The following IQUB variants were observed in gnomAD, a reference collection of about 807,000 sequenced individuals.
IQUB encodes IQ motif and ubiquitin domain containing.
IQUB carries 86 observed loss-of-function variants against 86.4 expected under a neutral mutation model. The ratio of observed to expected loss-of-function variants is 1.00; its 90% CI spans 0.84 to 1.19. The LOEUF (loss-of-function observed/expected upper bound fraction) is 1.19. Ranked by LOEUF, IQUB falls within the 50% of genes most tolerant of loss-of-function variation. IQUB has a pLI of 0.00. For missense variants in IQUB, 946 were observed against 916.9 expected, an observed-to-expected ratio of 1.03 and a Z score of -0.41; for synonymous variants, 289 against 304.5, an observed-to-expected ratio of 0.95 and a Z score of 0.53.
chr7:123,513,073 C>T (rs1360503300), intron 1 of IQUB, among the ~76,000 whole-genome samples: 1 of 152,240 alleles, frequency 6.6e-6, no homozygotes, highest in South Asian at 2.1e-4. Context: ...AGGTAGCCCC[C>T]AGACCAGATT....
intron 8 of IQUB, among the ~76,000 whole-genome samples, chr7:123,478,966 C>A (rs1794874958): frequency 1.3e-5 from 2 of 152,124 alleles, no homozygotes; most frequent in African/African-American, 4.8e-5. Context: ...ATAGGGAGTT[C>A]TGGGATGCAG....
intron 1 of IQUB, among the ~76,000 whole-genome samples, chr7:123,523,476 T>C (rs1225951774): frequency 6.6e-6 from 1 of 152,160 alleles, no homozygotes; most frequent in Non-Finnish European, 1.5e-5. Context: ...TTTTTTCATG[T>C]GTTTTTTGGC....
chr7:123,477,858 T>C (rs975954981), intron 8 of IQUB, among the ~76,000 whole-genome samples: 2 of 152,138 alleles, frequency 1.3e-5, no homozygotes, highest in Non-Finnish European at 2.9e-5. Flanking sequence ...TCATCACTGG[T>C]CACCAGAGAA....
intron 7 of IQUB, among the ~76,000 whole-genome samples, chr7:123,489,090 G>C (rs1017589540): frequency 2.0e-5 from 3 of 152,168 alleles, no homozygotes; most frequent in Admixed American, 1.3e-4. Context: ...TATGGTGATA[G>C]AAGTCAGACT....
chr7:123,480,608 T>G (rs1208138476), intron 7 of IQUB, among the ~76,000 whole-genome samples: 1 of 152,100 alleles, frequency 6.6e-6, no homozygotes, highest in Admixed American at 6.6e-5. Flanking sequence ...AACTGAAGAT[T>G]TCCTTTTCCT....
intron 8 of IQUB, among the ~76,000 whole-genome samples, chr7:123,470,725 C>A (rs1794482131): frequency 6.6e-6 from 1 of 151,994 alleles, no homozygotes; most frequent in African/African-American, 2.4e-5. Context: ...GTGACGGACA[C>A]CTGTAGTCCC....
intron 7 of IQUB, among the ~76,000 whole-genome samples, chr7:123,485,515 G>A (rs930925495): frequency 3.9e-5 from 6 of 152,102 alleles, no homozygotes; most frequent in African/African-American, 1.4e-4. Context: ...TTAAGCAAAA[G>A]ATATTAAAGG....
chr7:123,455,670 G>T lies in IQUB; in HGVS notation c.2193+1711C>A, dbSNP rs182961824. Among the ~76,000 whole-genome samples the T allele has an allele frequency of 6.5e-4, 99 of 152,106 alleles. 1 individual carries two copies. The highest frequency in any genetic ancestry group is 2.2e-3 in the African/African-American group (93 of 41,520). On this transcript the variant is annotated intron_variant, in intron 12 of 12. Coordinates refer to ENST00000324698, the MANE Select transcript of IQUB (RefSeq NM_178827.5). ...GTCCAATTTCTCCCAGCTCATGAAT[G>T]GTAAAGCTAGAATTCAGAGCCAGAG... is the stretch of plus-strand genomic sequence containing the variant.
chr7:123,480,006 A>C, intron 7 of IQUB, 36 bp from the exon 8 acceptor site: 1 of 1,519,024 alleles, frequency 6.6e-7, no homozygotes, highest in Non-Finnish European at 8.9e-7. Context: ...TGAGTTTTTA[A>C]AAATCCCATC....
At chr7:123,514,540 T>G (rs569035129) in intron 1 of IQUB, among the ~76,000 whole-genome samples, 1 of 151,974 alleles carries the variant, frequency 6.6e-6, no homozygotes, top group Admixed American at 6.5e-5. Context: ...AATATATAAT[T>G]GAGAAGGGAA....
intron 1 of IQUB, among the ~76,000 whole-genome samples, chr7:123,519,370 C>T (rs1298847709): frequency 6.6e-6 from 1 of 152,128 alleles, no homozygotes; most frequent in Non-Finnish European, 1.5e-5. Flanking sequence ...ATGTTTACTA[C>T]AGCACTATCC....
chr7:123,507,768 G>A (rs529128855), intron 3 of IQUB, among the ~76,000 whole-genome samples: 48 of 151,880 alleles, frequency 3.2e-4, no homozygotes, highest in African/African-American at 1.1e-3. Flanking sequence ...AGCTGCTTGG[G>A]AGGCTAAGGC....
intron 11 of IQUB, chr7:123,458,162 T>C (rs1793805750): frequency 6.6e-6 from 1 of 151,892 alleles, no homozygotes; most frequent in East Asian, 1.9e-4. Flanking sequence ...GTTGTTTTAA[T>C]CAAAAAGAGG....
intron 9 of IQUB, among the ~76,000 whole-genome samples, chr7:123,468,880 A>G (rs1794385989): frequency 6.6e-6 from 1 of 152,230 alleles, no homozygotes; most frequent in Admixed American, 6.5e-5. Context: ...TAAAAATACA[A>G]TGGTGCTGCT....
intron 1 of IQUB, among the ~76,000 whole-genome samples, chr7:123,527,628 G>T (rs1797305612): frequency 6.6e-6 from 1 of 152,162 alleles, no homozygotes; most frequent in Admixed American, 6.5e-5. Context: ...AGGCTGCTCG[G>T]GGGTCAGGGG....
In IQUB at chr7:123,469,268, A is replaced by G; in HGVS notation, c.1527T>C (p.Asn509=). 1.9e-6 allele frequency: 3 copies of G among 1,606,800 alleles called. No individual in the cohort carries two copies. In the East Asian group the frequency reaches 6.7e-5, roughly 36 times the overall value. ...QNIYKCIMLK[N]ISQDERLDVL... ...CATCCAGCCTCTCATCTTGGGAGAT[A>G]TTTTTCAGCATAATGCACTTATAGA... The change falls in exon 9 of 13, where the codon AAT becomes AAC. Residue 509 remains asparagine, a synonymous_variant. Transcript: ENST00000324698.
chr7:123,453,375 G>C (rs1793536081), intron 12 of IQUB, among the ~76,000 whole-genome samples: 1 of 146,824 alleles, frequency 6.8e-6, no homozygotes, highest in Non-Finnish European at 1.5e-5. Flanking sequence ...CCACCAAGAA[G>C]AATCTAAGGA....
At chr7:123,524,637 C>G (rs1346498124) in intron 1 of IQUB, among the ~76,000 whole-genome samples, 1 of 151,170 alleles carries the variant, frequency 6.6e-6, no homozygotes, top group African/African-American at 2.4e-5. Context: ...ACAATCATGT[C>G]GTCTGCAAAC....
chr7:123,503,386 TAA>T, intron 3 of IQUB, 23 bp from the exon 4 acceptor site: 5 of 1,330,824 alleles, frequency 3.8e-6, no homozygotes, highest in Admixed American at 4.7e-5. Context: ...ATAAAATTTT[TAA>T]AAGTTTTATG....
Sources: gnomAD v4.1 joint callset for allele counts (sites outside exome capture counted in the v4.1 genomes callset) on GRCh38, gnomAD v4.1.1 for gene constraint, MANE v1.5 for transcripts, NCBI Gene and HGNC (gene_info 2026-07-23, HGNC 2026-07-21) for gene names.